RERE: variants seen among roughly 807,000 people sequenced by gnomAD.
RERE encodes the protein arginine-glutamic acid dipeptide repeats.
A neutral mutation model predicts 146.1 loss-of-function variants in RERE; 40 were observed. The observed-to-expected ratio is 0.27, with a 90% CI of 0.21 to 0.36. RERE has a LOEUF of 0.36. RERE is among the 10% of genes least tolerant of loss of function. RERE has a pLI of 1.00. For missense variants in RERE, 1,933 were observed against 2,138.7 expected (o/e 0.90, Z 1.90); for synonymous variants, 1,003 against 866.0 (o/e 1.16, Z -2.78).
At chr1:8,528,881 T>C (rs1645603123) in intron 7 of RERE, among the ~76,000 whole-genome samples, 1 of 152,158 alleles carries the variant, frequency 6.6e-6, no homozygotes, top group African/African-American at 2.4e-5. Flanking sequence ...TGTATATTTC[T>C]AATAATTTTG....
chr1:8,509,951 C>A (rs868325598), intron 7 of RERE, among the ~76,000 whole-genome samples: 5 of 152,248 alleles, frequency 3.3e-5, no homozygotes, highest in Middle Eastern at 3.4e-3. Flanking sequence ...GGCACCTGGG[C>A]CCAGTACTTT....
intron 11 of RERE, among the ~76,000 whole-genome samples, chr1:8,462,450 G>C (rs1196700789): frequency 6.6e-6 from 1 of 152,234 alleles, no homozygotes; most frequent in African/African-American, 2.4e-5. Context: ...ACTGGCCGCG[G>C]GATGGGCCAG....
chr1:8,497,640 T>A, intron 8 of RERE, 111 bp from the exon 9 acceptor site: 5 of 1,125,840 alleles, frequency 4.4e-6, no homozygotes, highest in Admixed American at 2.2e-5. Flanking sequence ...GACTCTTTCC[T>A]TGGACAGCAG....
At chr1:8,610,030 A>T (rs1646773250) in intron 4 of RERE, among the ~76,000 whole-genome samples, 2 of 151,974 alleles carry the variant, frequency 1.3e-5, no homozygotes, top group Admixed American at 1.3e-4. Flanking sequence ...CAGCCTCCCA[A>T]ACTGCTGGGG....
chr1:8,688,568 A>G (rs1639140679), intron 1 of RERE, among the ~76,000 whole-genome samples: 1 of 151,978 alleles, frequency 6.6e-6, no homozygotes, highest in Non-Finnish European at 1.5e-5. Flanking sequence ...CTCAAAAAAA[A>G]AAAAATTAAA....
chr1:8,679,316 T>C (rs938956959), intron 1 of RERE, among the ~76,000 whole-genome samples: 1 of 152,176 alleles, frequency 6.6e-6, no homozygotes, highest in African/African-American at 2.4e-5. Context: ...CCCATAGCAA[T>C]CTAAGGCTTT....
At chr1:8,507,304 A>G (rs1645263076) in intron 8 of RERE, among the ~76,000 whole-genome samples, 1 of 152,218 alleles carries the variant, frequency 6.6e-6, no homozygotes, top group Non-Finnish European at 1.5e-5. Flanking sequence ...AACAAAAACC[A>G]AAGAGCTGTA....
At chr1:8,486,071 TA>T (rs1317624650) in intron 10 of RERE, among the ~76,000 whole-genome samples, 1 of 152,146 alleles carries the variant, frequency 6.6e-6, no homozygotes, top group Non-Finnish European at 1.5e-5. Context: ...GTGCTGGAAT[TA>T]CAGGCGTAAG....
At chr1:8,728,425 T>A (rs142254458) in intron 1 of RERE, among the ~76,000 whole-genome samples, 52 of 152,166 alleles carry the variant, frequency 3.4e-4, no homozygotes, top group African/African-American at 1.2e-3. Flanking sequence ...GTAGGGTTAT[T>A]TTCTTGTTTG....
At position 8,359,808 on chromosome 1, in the gene RERE, G is replaced by T. The variant is rs557606465; in HGVS notation, c.3574C>A (p.Arg1192=). Residue 1192 remains arginine, a synonymous_variant, in exon 19 of 23, where the codon CGG becomes AGG. Coordinates refer to ENST00000400908, the MANE Select transcript of RERE (RefSeq NM_001042681.2). ...CGCTCCCGCTCTCGCTCCCGCTCCC[G>T]CTCCTTCTCCTTCTCCTTCTCCCGC... ...REREKEKEKE[R]EREREREREA... The T allele has an allele frequency of 1.9e-6, 3 of 1,604,454 alleles. No homozygotes were observed. Among genetic ancestry groups the T allele is most frequent in the African/African-American group, 1.3e-5 (1 of 74,732 alleles).
chr1:8,649,421 T>C (rs541711495), intron 2 of RERE, among the ~76,000 whole-genome samples: 4 of 152,298 alleles, frequency 2.6e-5, no homozygotes, highest in African/African-American at 9.6e-5. Flanking sequence ...TAGAAATTTC[T>C]TTATTCAACA....
At chr1:8,432,256 C>G (rs1644105826) in intron 11 of RERE, among the ~76,000 whole-genome samples, 1 of 152,154 alleles carries the variant, frequency 6.6e-6, no homozygotes, top group African/African-American at 2.4e-5. Flanking sequence ...GTACCCCATC[C>G]TGATTCCTTT....
intron 7 of RERE, among the ~76,000 whole-genome samples, chr1:8,508,876 T>A (rs1281716834): frequency 6.6e-6 from 1 of 152,148 alleles, no homozygotes; most frequent in African/African-American, 2.4e-5. Flanking sequence ...CCTTTGAAAA[T>A]CCTAAGAACT....
At chr1:8,411,288 C>T (rs1643607796) in intron 12 of RERE, among the ~76,000 whole-genome samples, 1 of 148,736 alleles carries the variant, frequency 6.7e-6, no homozygotes, top group African/African-American at 2.5e-5. Context: ...GATAGATTTA[C>T]AAGATCAAAA....
intron 12 of RERE, among the ~76,000 whole-genome samples, chr1:8,387,596 C>T (rs1642725496): frequency 6.6e-6 from 1 of 152,036 alleles, no homozygotes; most frequent in Non-Finnish European, 1.5e-5. Flanking sequence ...TCTTACAAAT[C>T]TAGAAAAAGA....
intron 12 of RERE, among the ~76,000 whole-genome samples, chr1:8,366,605 G>A (rs960886893): frequency 6.6e-6 from 1 of 152,170 alleles, no homozygotes; most frequent in Non-Finnish European, 1.5e-5. Flanking sequence ...CATCTGACAT[G>A]CCGGCACGAC....
intron 11 of RERE, among the ~76,000 whole-genome samples, chr1:8,452,591 T>C (rs979135198): frequency 2.0e-5 from 3 of 152,066 alleles, no homozygotes; most frequent in African/African-American, 4.8e-5. Flanking sequence ...ACTTGAATAA[T>C]AGAAGAACAA....
chr1:8,580,496 T>A (rs754424263), intron 4 of RERE, among the ~76,000 whole-genome samples: 3 of 152,256 alleles, frequency 2.0e-5, no homozygotes, highest in Non-Finnish European at 4.4e-5. Context: ...TAAATTGCAT[T>A]ATAAGATTTT....
chr1:8,726,159 T>A (rs965194148), intron 1 of RERE, among the ~76,000 whole-genome samples: 2 of 129,096 alleles, frequency 1.5e-5, no homozygotes, highest in Admixed American at 7.5e-5. Flanking sequence ...TTTTTTTTTT[T>A]TTTTTTTTTT....
Sources: gnomAD v4.1 joint callset for allele counts (sites outside exome capture counted in the v4.1 genomes callset) on GRCh38, gnomAD v4.1.1 for gene constraint, MANE v1.5 for transcripts, NCBI Gene and HGNC (gene_info 2026-07-23, HGNC 2026-07-21) for gene names.